SCMH1: variants seen among roughly 807,000 people sequenced by gnomAD.
The protein encoded by SCMH1 is polycomb protein SCMH1.
Under a neutral mutation model 70.8 loss-of-function variants are expected in SCMH1, and 37 were observed. That is an observed-to-expected ratio of 0.52 (90% CI 0.40 to 0.69). SCMH1 has a LOEUF of 0.69. SCMH1 is among the 30% of genes least tolerant of loss of function. SCMH1 has a pLI of 0.00. For missense variants in SCMH1, 607 were observed against 827.3 expected (o/e 0.73, Z 3.27); for synonymous variants, 292 against 307.4 (o/e 0.95, Z 0.52).
intron 2 of SCMH1, among the ~76,000 whole-genome samples, chr1:41,177,254 A>G (rs1331096125): frequency 6.6e-6 from 1 of 152,216 alleles, no homozygotes; most frequent in African/African-American, 2.4e-5. Context: ...CACCATCATC[A>G]AAGACTAAAG....
chr1:41,168,938 G>A (rs1646605101), intron 2 of SCMH1, among the ~76,000 whole-genome samples: 1 of 152,136 alleles, frequency 6.6e-6, no homozygotes, highest in South Asian at 2.1e-4. Context: ...TTGAGGTGCT[G>A]AATGGGTTTT....
intron 10 of SCMH1, among the ~76,000 whole-genome samples, chr1:41,062,611 T>C (rs1653074390): frequency 6.6e-6 from 1 of 151,846 alleles, no homozygotes; most frequent in Non-Finnish European, 1.5e-5. Context: ...TGGTGGCGCA[T>C]GCCTGTAATC....
intron 8 of SCMH1, among the ~76,000 whole-genome samples, chr1:41,080,915 A>T (rs1000095058): frequency 2.0e-5 from 3 of 152,176 alleles, no homozygotes; most frequent in Non-Finnish European, 4.4e-5. Context: ...GGTCAATGCA[A>T]TAAGGAAAGG....
chr1:41,151,744 T>C, intron 4 of SCMH1, 60 bp from the exon 5 acceptor site: 1 of 1,198,134 alleles, frequency 8.3e-7, no homozygotes, highest in South Asian at 1.3e-5. Context: ...GTTTTCAGGG[T>C]ATAATCTACA....
chr1:41,028,857 G>A (rs1644107584), intron 13 of SCMH1, 131 bp from the exon 15 acceptor site: 4 of 955,440 alleles, frequency 4.2e-6, no homozygotes, highest in Non-Finnish European at 6.1e-6. Flanking sequence ...CTGAGGAACT[G>A]GAGATAGCTG....
chr1:41,169,105 C>T (rs932235463), intron 2 of SCMH1, among the ~76,000 whole-genome samples: 12 of 152,178 alleles, frequency 7.9e-5, no homozygotes, highest in African/African-American at 2.7e-4. Context: ...TCCTACTGTA[C>T]GTCCACCTTT....
At chr1:41,176,295 C>T (rs1303536981) in intron 2 of SCMH1, among the ~76,000 whole-genome samples, 1 of 151,314 alleles carries the variant, frequency 6.6e-6, no homozygotes, top group Non-Finnish European at 1.5e-5. Flanking sequence ...CGAATAGGAA[C>T]AGCTCCAGTC....
intron 7 of SCMH1, among the ~76,000 whole-genome samples, chr1:41,115,772 T>C (rs536465916): frequency 1.3e-5 from 2 of 152,342 alleles, no homozygotes; most frequent in South Asian, 2.1e-4. Context: ...ATCTGGCACA[T>C]CTTTCATATT....
At chr1:41,059,701 C>T (rs1651877068) in intron 10 of SCMH1, among the ~76,000 whole-genome samples, 3 of 152,210 alleles carry the variant, frequency 2.0e-5, no homozygotes, top group South Asian at 4.1e-4. Flanking sequence ...AGCACTGTAG[C>T]ATGCCCACTG....
chr1:41,064,594 C>A (rs539096504), intron 10 of SCMH1, among the ~76,000 whole-genome samples: 1 of 152,122 alleles, frequency 6.6e-6, no homozygotes, highest in South Asian at 2.1e-4. Flanking sequence ...TATATAGCAG[C>A]AATGAACAAG....
chr1:41,066,036 C>G (rs1157948982), intron 10 of SCMH1, among the ~76,000 whole-genome samples: 2 of 152,144 alleles, frequency 1.3e-5, no homozygotes, highest in Non-Finnish European at 2.9e-5. Context: ...CCTATGGGAA[C>G]CCATTTCCAA....
chr1:41,046,689 G>C (rs1646927540), intron 11 of SCMH1, 91 bp from the exon 12 acceptor site: 1 of 989,774 alleles, frequency 1.0e-6, no homozygotes, highest in South Asian at 1.5e-5. Flanking sequence ...CTTGTCTCAG[G>C]CTTACCTGGT....
rs546766726 is a variant in SCMH1 at position 41,152,845 on chromosome 1, G to A, written c.107-1161C>T. The A allele has an allele frequency of 1.7e-5, 21 of 1,207,782 alleles. No individual in the cohort carries two copies. In the African/African-American group the frequency reaches 3.2e-4, roughly 19 times the overall value. The allele number at this position is 1,207,782 out of a possible 1,614,324, so 74.8% of individuals were successfully genotyped here. A position where few individuals can be genotyped will look rare whatever the true frequency, so the allele number is the denominator to read the frequency against. On this transcript the variant is annotated intron_variant, in intron 4 of 14. Transcript: ENST00000337495. ...TTTTATAGCTTCTGTTTTATAACTGGTTCCTTTCCCACTACCCTTAACTAA... is the reference window on the plus strand; with the variant it reads ...TTTTATAGCTTCTGTTTTATAACTGATTCCTTTCCCACTACCCTTAACTAA...
At chr1:41,132,378 C>G (rs577445879) in intron 6 of SCMH1, among the ~76,000 whole-genome samples, 1 of 152,262 alleles carries the variant, frequency 6.6e-6, no homozygotes, top group East Asian at 1.9e-4. Flanking sequence ...ATCTGTTGCC[C>G]ACTTTTTGAT....
rs754165614 is a variant in SCMH1, at chr1:41,033,965, CAG to C, written c.1678+3395_1678+3396del. 6.0e-5 allele frequency: 97 copies of C among 1,613,796 alleles called. No individual in the cohort carries two copies. The highest frequency in any genetic ancestry group is 2.2e-4 in the Admixed American group (13 of 59,984). Reference sequence around the variant, plus strand: ...AGGGCCTTGGGGAAGATAAAAATAACAGTAACTCCCCTCATACCTGGGGAACG... The same window carrying C: ...AGGGCCTTGGGGAAGATAAAAATAACTAACTCCCCTCATACCTGGGGAACG... On this transcript the variant is annotated intron_variant, in intron 13 of 14. Transcript: ENST00000337495.
At chr1:41,093,427 G>A (rs1425518785) in intron 8 of SCMH1, among the ~76,000 whole-genome samples, 2 of 151,622 alleles carry the variant, frequency 1.3e-5, no homozygotes, top group Non-Finnish European at 2.9e-5. Flanking sequence ...TGTAAATGAC[G>A]AGTTAGTGGG....
intron 8 of SCMH1, among the ~76,000 whole-genome samples, chr1:41,094,357 A>G (rs1316637655): frequency 6.6e-6 from 1 of 152,130 alleles, no homozygotes; most frequent in Non-Finnish European, 1.5e-5. Context: ...TTGCTTTTAT[A>G]CCAATCAATG....
chr1:41,124,217 A>G (rs926992636), intron 6 of SCMH1, among the ~76,000 whole-genome samples: 1 of 152,176 alleles, frequency 6.6e-6, no homozygotes, highest in African/African-American at 2.4e-5. Context: ...CCCCTGAACT[A>G]TATGAAAGTT....
chr1:41,156,411 C>T (rs749894037), intron 4 of SCMH1, among the ~76,000 whole-genome samples: 1 of 152,088 alleles, frequency 6.6e-6, no homozygotes, highest in East Asian at 1.9e-4. Context: ...ATTTGTTAAA[C>T]GCCACTGATG....
Sources: allele counts gnomAD v4.1 joint callset (sites outside exome capture counted in the v4.1 genomes callset), GRCh38; gene constraint gnomAD v4.1.1; transcripts MANE v1.5; gene names NCBI Gene and HGNC (gene_info 2026-07-23, HGNC 2026-07-21).